SLC6A11: variants seen among roughly 807,000 people sequenced by gnomAD.
SLC6A11 encodes sodium- and chloride-dependent GABA transporter 3.
A neutral mutation model predicts 74.8 loss-of-function variants in SLC6A11; 25 were observed. That is an observed-to-expected ratio of 0.33 (90% CI 0.24 to 0.47). The LOEUF is 0.47. Ranked by LOEUF, SLC6A11 falls within the 20% of genes least tolerant of loss-of-function variation. SLC6A11 has a pLI of 1.00. For synonymous variants in SLC6A11, 330 were observed against 330.2 expected, an observed-to-expected ratio of 1.00 and a Z score of 0.01; for missense variants, 574 against 837.0, an observed-to-expected ratio of 0.69 and a Z score of 3.88.
intron 1 of SLC6A11, among the ~76,000 whole-genome samples, chr3:10,818,118 A>G (rs1404779242): frequency 6.6e-6 from 1 of 150,496 alleles, no homozygotes; most frequent in African/African-American, 2.4e-5. Flanking sequence ...AAAGTTTTTT[A>G]AATGAGTCAT....
chr3:10,851,028 G>A (rs893896440), intron 5 of SLC6A11, among the ~76,000 whole-genome samples: 2 of 152,120 alleles, frequency 1.3e-5, no homozygotes, highest in African/African-American at 2.4e-5. Flanking sequence ...TGGTTGACCC[G>A]GCCTTTGGCC....
intron 9 of SLC6A11, among the ~76,000 whole-genome samples, chr3:10,927,202 CTTA>C (rs1416315125): frequency 6.6e-6 from 1 of 152,164 alleles, no homozygotes; most frequent in Admixed American, 6.5e-5. Context: ...ATAATCTTCC[CTTA>C]TTGTTGCTGT....
rs1317792370 is a variant in SLC6A11, at chr3:10,918,344, C to G, written c.1011C>G (p.Leu337=). ...NNNCYRDCIM[L]CCLNSGTSFV... is the part of the protein sequence containing the mutation. Reference sequence around the variant, plus strand: ...TTCCCCACAGGGACTGCATCATGCTCTGTTGCCTGAACAGCGGCACCAGCT... The same window carrying G: ...TTCCCCACAGGGACTGCATCATGCTGTGTTGCCTGAACAGCGGCACCAGCT... Residue 337 remains leucine (L), a synonymous_variant, in exon 8 of 14, where the codon CTC becomes CTG. Transcript: ENST00000254488. The surrounding 1 kb of genome is among the most constrained non-coding windows in gnomAD (Gnocchi z 4.5). 3 of 1,604,984 alleles carry G rather than the reference C, an allele frequency of 1.9e-6. No individual in the cohort carries two copies. The highest frequency in any genetic ancestry group is 3.4e-5 in the Admixed American group (2 of 58,244).
intron 6 of SLC6A11, among the ~76,000 whole-genome samples, chr3:10,896,261 C>G (rs1384670710): frequency 1.2e-4 from 19 of 152,242 alleles, no homozygotes; most frequent in Admixed American, 1.2e-3. Context: ...CTTCTCTTAC[C>G]CCAAGTGGGA....
chr3:10,831,978 G>A (rs1694304552), intron 4 of SLC6A11, among the ~76,000 whole-genome samples: 1 of 152,306 alleles, frequency 6.6e-6, no homozygotes, highest in South Asian at 2.1e-4. Context: ...TTTGCAGGCA[G>A]ATGTTGAGAA....
intron 3 of SLC6A11, among the ~76,000 whole-genome samples, chr3:10,820,891 G>A (rs1694130233): frequency 1.3e-5 from 2 of 152,172 alleles, no homozygotes; most frequent in South Asian, 4.1e-4. Context: ...GATTGTGTCT[G>A]GAAGTGGCCT....
chr3:10,897,337 C>T (rs1194496357), intron 6 of SLC6A11, among the ~76,000 whole-genome samples: 1 of 152,204 alleles, frequency 6.6e-6, no homozygotes, highest in Non-Finnish European at 1.5e-5. Flanking sequence ...ACTCAAAAGT[C>T]CACAGTCCAA....
intron 1 of SLC6A11, among the ~76,000 whole-genome samples, chr3:10,817,464 G>T (rs552138424): frequency 6.6e-6 from 1 of 152,246 alleles, no homozygotes; most frequent in South Asian, 2.1e-4. Flanking sequence ...CTGTCATATC[G>T]GCAGGACAGC....
intron 6 of SLC6A11, among the ~76,000 whole-genome samples, chr3:10,879,183 C>T (rs910761450): frequency 2.6e-5 from 4 of 152,088 alleles, no homozygotes; most frequent in Non-Finnish European, 4.4e-5. Context: ...TCACCAAATC[C>T]GTGAGCTGTA....
intron 6 of SLC6A11, among the ~76,000 whole-genome samples, chr3:10,900,707 T>G (rs1463117261): frequency 1.3e-5 from 2 of 152,172 alleles, no homozygotes; most frequent in Non-Finnish European, 2.9e-5. Context: ...TGGGGGGAGA[T>G]GATGAGGCTT....
chr3:10,887,517 C>T (rs982394941), intron 6 of SLC6A11, among the ~76,000 whole-genome samples: 4 of 152,160 alleles, frequency 2.6e-5, no homozygotes, highest in African/African-American at 9.7e-5. Flanking sequence ...CTGATCTCGG[C>T]TCACTGCAAC....
chr3:10,864,493 G>A (rs1364053868), intron 5 of SLC6A11, among the ~76,000 whole-genome samples: 1 of 151,990 alleles, frequency 6.6e-6, no homozygotes, highest in African/African-American at 2.4e-5. Context: ...AAAGGTTGGA[G>A]ATATTCGTTG....
At position 10,938,187 on chromosome 3, in the gene SLC6A11, A is replaced by G. The variant is rs1695780477; in HGVS notation, c.1747-63A>G. The stretch of plus-strand genomic sequence containing the variant: ...GTCCGCCGTGTGCTTGGGAGAGGCC[A>G]CGGCAGACCCTGGACCCTGGCAGCT... On this transcript the variant is annotated intron_variant, in intron 13 of 13. Transcript: ENST00000254488. 2.0e-6 allele frequency: 3 copies of G among 1,482,202 alleles called. 1 individual carries two copies. The East Asian group carries it at 6.9e-5, about 34-fold the overall frequency. 91.8% of individuals were successfully genotyped at this position (1,482,202 alleles called of 1,614,324 possible).
In SLC6A11 at chr3:10,939,141, T is replaced by C. The variant is rs965272821; in HGVS notation, c.*739T>C. The C allele has an allele frequency of 2.6e-5, 4 of 152,266 alleles. No homozygotes were observed. The highest frequency in any genetic ancestry group is 5.9e-5 in the Non-Finnish European group (4 of 68,082). The allele number at this position is 152,266 out of a possible 1,614,324, so 9.4% of individuals were successfully genotyped here. ...GCTTCCTCTGAAGACTTGCAGGCAATAATCTCCGCCCTCCCAGTTGTACCT... is the reference window on the plus strand; with the variant it reads ...GCTTCCTCTGAAGACTTGCAGGCAACAATCTCCGCCCTCCCAGTTGTACCT... On this transcript the variant is annotated 3_prime_UTR_variant, in exon 14 of 14. Coordinates refer to ENST00000254488, the MANE Select transcript of SLC6A11 (RefSeq NM_014229.3).
chr3:10,862,255 G>T (rs959312015), intron 5 of SLC6A11, among the ~76,000 whole-genome samples: 1 of 152,208 alleles, frequency 6.6e-6, no homozygotes, highest in Non-Finnish European at 1.5e-5. Context: ...TTTCCAGGCA[G>T]TAAATAATAA....
At chr3:10,920,150 A>G (rs2106630278) in intron 8 of SLC6A11, among the ~76,000 whole-genome samples, 1 of 152,314 alleles carries the variant, frequency 6.6e-6, no homozygotes, top group East Asian at 1.9e-4. Context: ...TATCCACAGC[A>G]CTGCTGTTGC....
intron 5 of SLC6A11, among the ~76,000 whole-genome samples, chr3:10,860,020 G>C (rs1049086298): frequency 6.6e-6 from 1 of 152,120 alleles, no homozygotes; most frequent in Non-Finnish European, 1.5e-5. Context: ...ATGTAACATA[G>C]CTTCATTTAC....
At position 10,926,839 on chromosome 3, in the gene SLC6A11, A is replaced by G. The variant is rs1404820811; in HGVS notation, c.1233+723A>G. ...GCCTCTTTCCCAGACCATTCCCCCAACAGTCCCTGAAACCCACCCTTTGCC... is the reference window on the plus strand; with the variant it reads ...GCCTCTTTCCCAGACCATTCCCCCAGCAGTCCCTGAAACCCACCCTTTGCC... On this transcript the variant is annotated intron_variant, in intron 9 of 13. Coordinates refer to ENST00000254488, the MANE Select transcript of SLC6A11 (RefSeq NM_014229.3). The surrounding 1 kb of genome is among the most constrained non-coding windows in gnomAD (Gnocchi z 5.7). 6.6e-6 allele frequency among the ~76,000 whole-genome samples: 1 copy of G among 151,744 alleles called. No homozygotes were observed. The highest frequency in any genetic ancestry group is 1.5e-5 in the Non-Finnish European group (1 of 67,916).
intron 4 of SLC6A11, among the ~76,000 whole-genome samples, chr3:10,833,865 ATTTTTC>A (rs1694330718): frequency 6.6e-6 from 1 of 152,192 alleles, no homozygotes; most frequent in Non-Finnish European, 1.5e-5. Flanking sequence ...GGGTATTTGT[ATTTTTC>A]ACATTGGATG....
Sources: allele counts gnomAD v4.1 joint callset (sites outside exome capture counted in the v4.1 genomes callset), GRCh38; gene constraint gnomAD v4.1.1; non-coding constraint Gnocchi (gnomAD v3.1); transcripts MANE v1.5; gene names NCBI Gene and HGNC (gene_info 2026-07-23, HGNC 2026-07-21).